Variants in SLC9A9 observed in about 807,000 individuals in gnomAD.
SLC9A9 encodes the protein sodium/hydrogen exchanger 9.
A neutral mutation model predicts 77.8 loss-of-function variants in SLC9A9; 62 were observed. The observed-to-expected ratio is 0.80, with a 90% CI of 0.65 to 0.98. The LOEUF (loss-of-function observed/expected upper bound fraction) is 0.98, where lower values mean the gene tolerates loss of function less well. Among genes scored for constraint, SLC9A9 ranks in the 50% least tolerant of loss-of-function variants. The pLI is 0.00. For missense variants in SLC9A9, 775 were observed against 774.9 expected, an observed-to-expected ratio of 1.00 and a Z score of 0.00; for synonymous variants, 320 against 283.5, an observed-to-expected ratio of 1.13 and a Z score of -1.29.
intron 8 of SLC9A9, among the ~76,000 whole-genome samples, chr3:143,563,182 C>A (rs1340654327): frequency 6.6e-6 from 1 of 152,118 alleles, no homozygotes; most frequent in Non-Finnish European, 1.5e-5. Context: ...ATTTAGGAAA[C>A]AGCATGAGGA....
In SLC9A9 at chr3:143,265,888, G is replaced by T. The variant is rs1403276036; in HGVS notation, c.*814C>A. 3.3e-6 allele frequency: 2 copies of T among 605,634 alleles called. No individual in the cohort carries two copies. The highest frequency in any genetic ancestry group is 5.9e-6 in the Non-Finnish European group (2 of 337,944). The allele number at this position is 605,634 out of a possible 1,614,324, so 37.5% of individuals were successfully genotyped here. ...GAATCCTACCCTCCAGCATATCGCGGGGAGGGGGGGACCTGCTGCACAGCC... is the reference window on the plus strand; with the variant it reads ...GAATCCTACCCTCCAGCATATCGCGTGGAGGGGGGGACCTGCTGCACAGCC... On this transcript the variant is annotated 3_prime_UTR_variant, in exon 16 of 16. Coordinates refer to ENST00000316549, the MANE Select transcript of SLC9A9 (RefSeq NM_173653.4).
At chr3:143,847,233 A>G (rs2009849473) in intron 1 of SLC9A9, among the ~76,000 whole-genome samples, 1 of 152,252 alleles carries the variant, frequency 6.6e-6, no homozygotes, top group African/African-American at 2.4e-5. Flanking sequence ...TATAAATTAT[A>G]GCAATGCCTT....
At chr3:143,826,656 C>G (rs967368205) in intron 2 of SLC9A9, among the ~76,000 whole-genome samples, 7 of 152,174 alleles carry the variant, frequency 4.6e-5, no homozygotes, top group Non-Finnish European at 5.9e-5. Flanking sequence ...TCATTTTCAG[C>G]TCTAGGTTTC....
chr3:143,280,542 A>ATTTT (rs58879877), intron 14 of SLC9A9, among the ~76,000 whole-genome samples: 12 of 118,174 alleles, frequency 1.0e-4, no homozygotes, highest in South Asian at 2.7e-4. Flanking sequence ...CTAGAACTAC[A>ATTTT]TTTTTTTTTT....
chr3:143,584,420 C>T (rs1440749321), intron 6 of SLC9A9, among the ~76,000 whole-genome samples: 2 of 152,206 alleles, frequency 1.3e-5, no homozygotes, highest in African/African-American at 4.8e-5. Context: ...TCAGTCCAGC[C>T]TCACTCCCTT....
chr3:143,812,023 G>T (rs1462475159), intron 2 of SLC9A9, among the ~76,000 whole-genome samples: 9 of 152,142 alleles, frequency 5.9e-5, no homozygotes. Context: ...GAATAGAGGG[G>T]AAGGTAAAGT....
intron 9 of SLC9A9, among the ~76,000 whole-genome samples, chr3:143,549,044 T>C (rs17641199): frequency 0.21 from 31,708 of 152,214 alleles, 3,308 homozygotes; most frequent in Non-Finnish European, 0.22. Flanking sequence ...TACCTTCCCG[T>C]TGACAGTGTG....
chr3:143,356,867 C>T (rs2032606690), intron 14 of SLC9A9, among the ~76,000 whole-genome samples: 1 of 152,128 alleles, frequency 6.6e-6, no homozygotes, highest in South Asian at 2.1e-4. Context: ...CAAAGACTTT[C>T]TATGGGATTT....
intron 14 of SLC9A9, among the ~76,000 whole-genome samples, chr3:143,299,680 T>C (rs7635615): frequency 0.088 from 13,384 of 152,210 alleles, 1,175 homozygotes; most frequent in African/African-American, 0.22. Flanking sequence ...CCTGACCTCT[T>C]GATCCGCCTG....
At chr3:143,441,233 A>G (rs900900856) in intron 12 of SLC9A9, among the ~76,000 whole-genome samples, 4 of 152,006 alleles carry the variant, frequency 2.6e-5, no homozygotes, top group African/African-American at 9.7e-5. Flanking sequence ...TCTTTCCTCA[A>G]CTCCTTCCTC....
chr3:143,818,856 T>C (rs954055763), intron 2 of SLC9A9, among the ~76,000 whole-genome samples: 1 of 151,648 alleles, frequency 6.6e-6, no homozygotes, highest in Admixed American at 6.6e-5. Context: ...CCGAGGTGGG[T>C]GGATCACCTG....
At chr3:143,536,575 G>T (rs954290680) in intron 9 of SLC9A9, among the ~76,000 whole-genome samples, 1 of 151,226 alleles carries the variant, frequency 6.6e-6, no homozygotes, top group African/African-American at 2.5e-5. Flanking sequence ...ACCTCCATTT[G>T]TGAGCTTCAG....
At chr3:143,481,438 C>A (rs1240043796) in intron 11 of SLC9A9, among the ~76,000 whole-genome samples, 2 of 152,098 alleles carry the variant, frequency 1.3e-5, no homozygotes, top group Non-Finnish European at 1.5e-5. Flanking sequence ...CCTTAGCATG[C>A]TGAAGGAACC....
At position 143,571,110 on chromosome 3, in the gene SLC9A9, A is replaced by T. The variant is rs1181603643; in HGVS notation, c.1000+2978T>A. 1.2e-4 allele frequency among the ~76,000 whole-genome samples: 19 copies of T among 152,290 alleles called. No individual in the cohort carries two copies. The East Asian group carries it at 3.7e-3, about 29-fold the overall frequency. Reference sequence around the variant, plus strand: ...CCTGCTCACTAGACGGATGTTCTTGAGGGCGCACTTTGAAAGGTCAGGGCC... The same window carrying T: ...CCTGCTCACTAGACGGATGTTCTTGTGGGCGCACTTTGAAAGGTCAGGGCC... On this transcript the variant is annotated intron_variant, in intron 8 of 15. Coordinates refer to ENST00000316549, the MANE Select transcript of SLC9A9 (RefSeq NM_173653.4).
Position 143,493,771 on chromosome 3 carries a change from A to G in SLC9A9, c.1204-7T>C. 1.3e-6 allele frequency: 2 copies of G among 1,587,758 alleles called. No individual in the cohort carries two copies. Among genetic ancestry groups the G allele is most frequent in the Non-Finnish European group, 1.7e-6 (2 of 1,156,050 alleles). Reference sequence around the variant, plus strand: ...TGGCAACAAAAATTGCTAGCTGTAGATAAGCACAGGGAAACATTGAGGAAA... The same window carrying G: ...TGGCAACAAAAATTGCTAGCTGTAGGTAAGCACAGGGAAACATTGAGGAAA... On this transcript the variant is annotated splice_region_variant and splice_polypyrimidine_tract_variant and intron_variant, in intron 10 of 15. Coordinates refer to ENST00000316549, the MANE Select transcript of SLC9A9 (RefSeq NM_173653.4).
intron 6 of SLC9A9, among the ~76,000 whole-genome samples, chr3:143,590,174 T>G (rs371074490): frequency 2.0e-5 from 3 of 152,348 alleles, no homozygotes; most frequent in South Asian, 2.1e-4. Flanking sequence ...AAGTGGTGAC[T>G]ACTGTCTCTT....
At chr3:143,589,141 C>T (rs565962074) in intron 6 of SLC9A9, among the ~76,000 whole-genome samples, 16 of 152,252 alleles carry the variant, frequency 1.1e-4, no homozygotes, top group East Asian at 3.9e-4. Context: ...CCTCAAAATA[C>T]GATTCCCTGT....
At chr3:143,497,883 C>T (rs2035862424) in intron 9 of SLC9A9, among the ~76,000 whole-genome samples, 1 of 152,192 alleles carries the variant, frequency 6.6e-6, no homozygotes, top group African/African-American at 2.4e-5. Context: ...TTGTCCCCCT[C>T]ACCTCCACCA....
At chr3:143,730,597 A>G (rs1451093619) in intron 4 of SLC9A9, among the ~76,000 whole-genome samples, 1 of 152,212 alleles carries the variant, frequency 6.6e-6, no homozygotes, top group Non-Finnish European at 1.5e-5. Flanking sequence ...TGTTGCCAAG[A>G]TATCTTACAT....
Sources: allele counts gnomAD v4.1 joint callset (sites outside exome capture counted in the v4.1 genomes callset), GRCh38; gene constraint gnomAD v4.1.1; transcripts MANE v1.5; gene names NCBI Gene and HGNC (gene_info 2026-07-23, HGNC 2026-07-21).